GLDC: variants seen among roughly 807,000 people sequenced by gnomAD.
GLDC encodes glycine decarboxylase.
GLDC carries 104 observed loss-of-function variants against 121.3 expected under a neutral mutation model. The ratio of observed to expected loss-of-function variants is 0.86; its 90% CI spans 0.73 to 1.01. The LOEUF (loss-of-function observed/expected upper bound fraction) is 1.01, where lower values mean the gene tolerates loss of function less well. Ranked by LOEUF, GLDC falls within the 50% of genes least tolerant of loss-of-function variation. The probability of loss-of-function intolerance (pLI) is 0.00; values close to 1 mark genes in which losing one functional copy is unlikely to be tolerated. For missense variants in GLDC, 1,429 were observed against 1,306.6 expected, an observed-to-expected ratio of 1.09 and a Z score of -1.44; for synonymous variants, 546 against 480.6, an observed-to-expected ratio of 1.14 and a Z score of -1.78.
intron 15 of GLDC, among the ~76,000 whole-genome samples, chr9:6,568,099 C>G (rs1483306675): frequency 1.3e-5 from 2 of 151,820 alleles, no homozygotes; most frequent in African/African-American, 4.8e-5. Flanking sequence ...AAGGTGTAGA[C>G]TAGGAATGAA....
At chr9:6,587,765 A>T (rs1286241506) in intron 14 of GLDC, among the ~76,000 whole-genome samples, 1 of 152,202 alleles carries the variant, frequency 6.6e-6, no homozygotes, top group Admixed American at 6.5e-5. Context: ...GGAGTCTGAG[A>T]TCAGACTGGC....
intron 23 of GLDC, 43 bp downstream of exon 23, chr9:6,536,021 T>C: frequency 6.5e-7 from 1 of 1,539,070 alleles, no homozygotes; most frequent in African/African-American, 1.4e-5. Context: ...CATCATTTTC[T>C]AGTTTAAGGA....
At chr9:6,556,041 G>C (rs77765174) in intron 18 of GLDC, 112 bp downstream of exon 18, 1 of 801,672 alleles carries the variant, frequency 1.2e-6, no homozygotes, top group Admixed American at 2.1e-5. Context: ...TGGTCAGGTC[G>C]TGGGTCTGAG....
chr9:6,605,564 G>T (rs1470729813), intron 5 of GLDC, among the ~76,000 whole-genome samples: 3 of 152,094 alleles, frequency 2.0e-5, no homozygotes, highest in African/African-American at 7.2e-5. Context: ...TTGCTTCCTA[G>T]GGCTAATGAG....
chr9:6,604,588 C>G lies in GLDC; in HGVS notation c.1058G>C (p.Arg353Thr). 1.2e-6 allele frequency: 2 copies of G among 1,611,110 alleles called. No individual in the cohort carries two copies. Among genetic ancestry groups the G allele is most frequent in the Non-Finnish European group, 1.7e-6 (2 of 1,178,874 alleles). Residue 353 changes from arginine to threonine, a missense_variant and splice_region_variant, in exon 7 of 25, where the codon AGA (arginine) becomes ACA (threonine). Arg to Thr is a moderately conservative substitution (Grantham distance 71). Transcript: ENST00000321612. The stretch of plus-strand genomic sequence containing the variant: ...AGTAGAGAAACATGAGCCCCTTTAC[C>G]TTGTTACCCCCACCATTCTTCCAGG... ...MMPGRMVGVT[R>T]DATGKEVYRL... is the part of the protein sequence containing the mutation.
chr9:6,608,506 C>T (rs573236989), intron 4 of GLDC, among the ~76,000 whole-genome samples: 4 of 150,228 alleles, frequency 2.7e-5, no homozygotes, highest in South Asian at 4.2e-4. Flanking sequence ...TTTGGGAGGC[C>T]GAGGCGGGCG....
rs1259807481 is a variant in GLDC, at chr9:6,540,067, C to T, written c.2649G>A (p.Lys883=). 1 of 1,610,204 alleles carries T rather than the reference C, an allele frequency of 6.2e-7. No homozygotes were observed. Among genetic ancestry groups the T allele is most frequent in the Non-Finnish European group, 8.5e-7 (1 of 1,176,528 alleles). Residue 883 remains lysine, a synonymous_variant, in exon 22 of 25, where the codon AAG becomes AAA. Coordinates refer to ENST00000321612, the MANE Select transcript of GLDC (RefSeq NM_000170.3). Reference sequence around the variant, plus strand: ...GCCACTTACCATAATCCTGGAGTCTCTTGGCCACATCCACAGCCTCAATAT... The same window carrying T: ...GCCACTTACCATAATCCTGGAGTCTTTTGGCCACATCCACAGCCTCAATAT... ...SANIEAVDVA[K]RLQDYGFHAP...
At chr9:6,628,955 G>A (rs991322668) in intron 2 of GLDC, among the ~76,000 whole-genome samples, 2 of 151,936 alleles carry the variant, frequency 1.3e-5, no homozygotes, top group African/African-American at 4.8e-5. Context: ...TAATCTCCTG[G>A]TCCTAATGTA....
intron 7 of GLDC, among the ~76,000 whole-genome samples, chr9:6,604,135 A>C (rs1006600377): frequency 6.6e-6 from 1 of 152,104 alleles, no homozygotes; most frequent in African/African-American, 2.4e-5. Flanking sequence ...AGGAAAGTAC[A>C]TTTGGAAATT....
At chr9:6,569,606 C>T (rs552213882) in intron 15 of GLDC, among the ~76,000 whole-genome samples, 7 of 152,070 alleles carry the variant, frequency 4.6e-5, no homozygotes, top group South Asian at 4.1e-4. Flanking sequence ...GAGCTGAGAT[C>T]GCACCACTGC....
intron 15 of GLDC, among the ~76,000 whole-genome samples, chr9:6,577,279 C>A (rs1818083429): frequency 6.6e-6 from 1 of 152,190 alleles, no homozygotes; most frequent in Non-Finnish European, 1.5e-5. Context: ...TAAATATTAT[C>A]CTATTCTGCA....
intron 7 of GLDC, among the ~76,000 whole-genome samples, chr9:6,603,136 A>C (rs1818652358): frequency 6.6e-6 from 1 of 151,990 alleles, no homozygotes; most frequent in South Asian, 2.1e-4. Context: ...GCTGAGGCTC[A>C]AGAATCACTT....
intron 16 of GLDC, among the ~76,000 whole-genome samples, chr9:6,564,247 CAA>C (rs755108263): frequency 3.5e-5 from 4 of 115,106 alleles, no homozygotes; most frequent in African/African-American, 3.2e-5. Context: ...GACTCCATCT[CAA>C]AAAAAAAAAA....
intron 23 of GLDC, 198 bp downstream of exon 23, chr9:6,535,866 A>G (rs1263803005): frequency 4.9e-6 from 3 of 611,876 alleles, no homozygotes; most frequent in Non-Finnish European, 8.9e-6. Flanking sequence ...TTCCACAACC[A>G]CATCATCCTT....
intron 7 of GLDC, among the ~76,000 whole-genome samples, 194 bp from the exon 8 acceptor site, chr9:6,602,399 C>T (rs931886103): frequency 1.4e-5 from 2 of 145,484 alleles, no homozygotes; most frequent in Non-Finnish European, 3.0e-5. Context: ...TTTTTTGAGA[C>T]GGAGTTTCGC....
intron 3 of GLDC, among the ~76,000 whole-genome samples, chr9:6,617,697 G>A (rs972073230): frequency 6.6e-6 from 1 of 152,216 alleles, no homozygotes; most frequent in African/African-American, 2.4e-5. Context: ...GAATGATTGT[G>A]CTGAGAGATC....
Position 6,614,309 on chromosome 9 carries a change from G to A in GLDC, c.471-3953C>T, listed in dbSNP as rs189126818. Among the ~76,000 whole-genome samples the A allele has an allele frequency of 4.6e-4, 70 of 151,792 alleles. No individual in the cohort carries two copies. The East Asian group carries it at 0.013, about 29-fold the overall frequency. Reference sequence around the variant, plus strand: ...GAGTGCAGTGGCCTGATCTTGGCTCGCTGCAACCTCCACCTCCTGGGCTCA... The same window carrying A: ...GAGTGCAGTGGCCTGATCTTGGCTCACTGCAACCTCCACCTCCTGGGCTCA... On this transcript the variant is annotated intron_variant, in intron 3 of 24. Coordinates refer to ENST00000321612, the MANE Select transcript of GLDC (RefSeq NM_000170.3).
At chr9:6,631,629 C>A (rs892481192) in intron 2 of GLDC, among the ~76,000 whole-genome samples, 12 of 152,162 alleles carry the variant, frequency 7.9e-5, no homozygotes, top group African/African-American at 2.9e-4. Context: ...CAGTGCAGGT[C>A]CCAGAGGATT....
At chr9:6,630,201 G>A (rs1295479011) in intron 2 of GLDC, among the ~76,000 whole-genome samples, 1 of 151,858 alleles carries the variant, frequency 6.6e-6, no homozygotes, top group East Asian at 1.9e-4. Context: ...CCCAGGAGGC[G>A]GAGCTTGCAG....
Sources: allele counts gnomAD v4.1 joint callset (sites outside exome capture counted in the v4.1 genomes callset), GRCh38; gene constraint gnomAD v4.1.1; transcripts MANE v1.5; gene names NCBI Gene and HGNC (gene_info 2026-07-23, HGNC 2026-07-21).